CA2: variants seen among roughly 807,000 people sequenced by gnomAD.
CA2 encodes carbonic anhydrase 2.
In CA2, 23 loss-of-function variants were observed where a neutral mutation model predicts 27.8. The observed-to-expected ratio is 0.83, with a 90% CI of 0.59 to 1.17. The LOEUF (loss-of-function observed/expected upper bound fraction) is 1.17. CA2 is among the 50% of genes most tolerant of loss of function. The probability of loss-of-function intolerance (pLI) is 0.00; values close to 1 mark genes in which losing one functional copy is unlikely to be tolerated. For missense variants in CA2, 300 were observed against 314.7 expected, an observed-to-expected ratio of 0.95 and a Z score of 0.35; for synonymous variants, 99 against 114.9, an observed-to-expected ratio of 0.86 and a Z score of 0.88.
At chr8:85,464,435 C>CT in intron 1 of CA2, 1 of 346,354 alleles carries the variant, frequency 2.9e-6, no homozygotes, top group Non-Finnish European at 5.1e-6. Flanking sequence ...GGGTCCCGAC[C>CT]TGGGGATCAT....
At chr8:85,469,627 G>C (rs1811685526) in intron 2 of CA2, among the ~76,000 whole-genome samples, 1 of 152,088 alleles carries the variant, frequency 6.6e-6, no homozygotes, top group Admixed American at 6.6e-5. Context: ...GAAAATAATA[G>C]TAGTCAAATT....
Position 85,473,685 on chromosome 8 carries a change from A to T in CA2, c.233-8A>T, listed in dbSNP as rs779582666. 1.4e-6 allele frequency: 2 copies of T among 1,389,080 alleles called. No individual in the cohort carries two copies. Among genetic ancestry groups the T allele is most frequent in the Non-Finnish European group, 1.0e-6 (1 of 975,108 alleles). The allele number at this position is 1,389,080 out of a possible 1,614,324, so 86.0% of individuals were successfully genotyped here. ...TATGTTACATATATATATATGTTTT[A>T]ATTTTAGTGCTCAAGGGAGGACCCC... On this transcript the variant is annotated splice_polypyrimidine_tract_variant and splice_region_variant and intron_variant, in intron 2 of 6. Transcript: ENST00000285379.
intron 2 of CA2, among the ~76,000 whole-genome samples, chr8:85,465,998 T>C (rs188428396): frequency 1.5e-4 from 23 of 152,282 alleles, no homozygotes; most frequent in African/African-American, 5.5e-4. Context: ...GCAGCATGTT[T>C]TGATATCTAC....
At chr8:85,470,917 C>G (rs1223808412) in intron 2 of CA2, among the ~76,000 whole-genome samples, 1 of 151,946 alleles carries the variant, frequency 6.6e-6, no homozygotes, top group African/African-American at 2.4e-5. Flanking sequence ...TTTAAAGCAC[C>G]ACTGCCATGG....
At chr8:85,480,028 A>G (rs997263411) in intron 6 of CA2, among the ~76,000 whole-genome samples, 1 of 152,188 alleles carries the variant, frequency 6.6e-6, no homozygotes. Context: ...ATTATTTTGC[A>G]TCTAAAGGTA....
At position 85,477,187 on chromosome 8, in the gene CA2, C is replaced by T. The variant is rs369229469; in HGVS notation, c.575C>T (p.Thr192Ile). Residue 192 changes from threonine (T) to isoleucine (I), a missense_variant, in exon 6 of 7, where the codon ACC becomes ATC. By Grantham distance (89) the Thr-to-Ile change is moderately conservative. This residue lies in a region of CA2 where 173 missense variants were observed against 161.0 expected (regional missense o/e 1.07). Transcript: ENST00000285379. Reference sequence around the variant, plus strand: ...CTTCCTGAATCCTTGGATTACTGGACCTACCCAGGCTCACTGACCACCCCT... The same window carrying T: ...CTTCCTGAATCCTTGGATTACTGGATCTACCCAGGCTCACTGACCACCCCT... ...GLLPESLDYW[T>I]YPGSLTTPPL... 2.5e-6 allele frequency: 4 copies of T among 1,613,954 alleles called. No homozygotes were observed. The highest frequency in any genetic ancestry group is 3.4e-6 in the Non-Finnish European group (4 of 1,179,878).
chr8:85,479,111 G>T (rs1047213090), intron 6 of CA2, among the ~76,000 whole-genome samples: 3 of 100,186 alleles, frequency 3.0e-5, no homozygotes, highest in Admixed American at 1.4e-4. Context: ...GAGGAAGTAT[G>T]GGGGGGCGTG....
At position 85,471,209 on chromosome 8, in the gene CA2, C is replaced by T. The variant is rs535582106; in HGVS notation, c.233-2484C>T. Among the ~76,000 whole-genome samples the T allele has an allele frequency of 1.2e-4, 19 of 152,118 alleles. No homozygotes were observed. In the South Asian group the frequency reaches 3.9e-3, roughly 32 times the overall value. On this transcript the variant is annotated intron_variant, in intron 2 of 6. Coordinates refer to ENST00000285379, the MANE Select transcript of CA2 (RefSeq NM_000067.3). ...ACTAAACTCCATGCTAAGAGTTTGC[C>T]AGAAATGCTGCCTTCTGTAGCAAGT...
At chr8:85,480,277 G>C (rs979268316) in intron 6 of CA2, among the ~76,000 whole-genome samples, 1 of 152,092 alleles carries the variant, frequency 6.6e-6, no homozygotes, top group African/African-American at 2.4e-5. Flanking sequence ...TCTGTTTTTT[G>C]AGGCAGAGCC....
intron 2 of CA2, chr8:85,473,452 G>A (rs1811738804): frequency 1.6e-6 from 1 of 628,430 alleles, no homozygotes; most frequent in Non-Finnish European, 2.9e-6. Flanking sequence ...GACAACGCAT[G>A]TGAGGAATAA....
chr8:85,467,531 G>A (rs1811647894), intron 2 of CA2, among the ~76,000 whole-genome samples: 1 of 152,212 alleles, frequency 6.6e-6, no homozygotes, highest in South Asian at 2.1e-4. Flanking sequence ...CATTGCTGTA[G>A]ATGTTGCACC....
At chr8:85,474,623 T>C (rs1285940007) in intron 4 of CA2, 3 of 586,134 alleles carry the variant, frequency 5.1e-6, no homozygotes, top group Non-Finnish European at 9.1e-6. Flanking sequence ...ACTTATTTGG[T>C]ACCTTTTGGA....
chr8:85,464,890 T>G (rs927951473), intron 1 of CA2: 1 of 228,858 alleles, frequency 4.4e-6, no homozygotes, highest in African/African-American at 2.3e-5. Flanking sequence ...CAGACCTCCT[T>G]GAATGTCTTA....
chr8:85,464,173 ATC>A, intron 1 of CA2, 58 bp downstream of exon 1: 1 of 1,472,558 alleles, frequency 6.8e-7, no homozygotes, highest in Non-Finnish European at 9.1e-7. Context: ...CCGATCCCCG[ATC>A]CCCGAGCCCG....
rs147999125 is a variant in CA2, at chr8:85,467,696, T to G, written c.232+2227T>G. 3.3e-5 allele frequency among the ~76,000 whole-genome samples: 5 copies of G among 152,360 alleles called. No individual in the cohort carries two copies. The East Asian group carries it at 9.6e-4, about 29-fold the overall frequency. The stretch of plus-strand genomic sequence containing the variant: ...TTTTATGTATGAAGTTATTATATAG[T>G]TACATATTTTACCATGAATCTGTTA... On this transcript the variant is annotated intron_variant, in intron 2 of 6. Coordinates refer to ENST00000285379, the MANE Select transcript of CA2 (RefSeq NM_000067.3).
intron 3 of CA2, 104 bp downstream of exon 3, chr8:85,473,915 A>T: frequency 1.3e-6 from 1 of 777,132 alleles, no homozygotes; most frequent in Non-Finnish European, 2.3e-6. Context: ...ACGCCCAGTG[A>T]ACCACTTCTT....
At chr8:85,479,406 G>A (rs1811854436) in intron 6 of CA2, among the ~76,000 whole-genome samples, 1 of 152,152 alleles carries the variant, frequency 6.6e-6, no homozygotes. Context: ...AACCATAGCT[G>A]TGCATGTTAT....
At chr8:85,477,012 GT>G (rs1811811126) in intron 5 of CA2, 107 bp from the exon 6 acceptor site, 2 of 1,036,390 alleles carry the variant, frequency 1.9e-6, no homozygotes, top group South Asian at 2.5e-5. Context: ...TTTAAAAAGT[GT>G]TTTTGACCAT....
chr8:85,470,315 G>A (rs1811695507), intron 2 of CA2, among the ~76,000 whole-genome samples: 1 of 152,120 alleles, frequency 6.6e-6, no homozygotes, highest in Non-Finnish European at 1.5e-5. Flanking sequence ...AGTAATGCAT[G>A]ATTTAAAATT....
Sources: gnomAD v4.1 joint callset for allele counts (sites outside exome capture counted in the v4.1 genomes callset) on GRCh38, gnomAD v4.1.1 for gene constraint, gnomAD v4.1.1 regional missense constraint, MANE v1.5 for transcripts, NCBI Gene and HGNC (gene_info 2026-07-23, HGNC 2026-07-21) for gene names.